The following CCDC178 variants were observed in gnomAD, a reference collection of about 807,000 sequenced individuals.
CCDC178 encodes coiled-coil domain-containing protein 178.
Under a neutral mutation model 117.4 loss-of-function variants are expected in CCDC178, and 126 were observed. The ratio of observed to expected loss-of-function variants is 1.07; its 90% CI spans 0.93 to 1.24. CCDC178 has a LOEUF of 1.24. Among genes scored for constraint, CCDC178 ranks in the 50% most tolerant of loss-of-function variants. CCDC178 has a pLI of 0.00. For missense variants in CCDC178, 1,030 were observed against 986.9 expected (o/e 1.04, Z -0.59); for synonymous variants, 283 against 313.4 (o/e 0.90, Z 1.02).
chr18:33,383,610 C>G (rs558027933), intron 5 of CCDC178, among the ~76,000 whole-genome samples: 61 of 152,206 alleles, frequency 4.0e-4, no homozygotes, highest in African/African-American at 1.4e-3. Flanking sequence ...TGCAGCAGAC[C>G]TGCATAAGAG....
intron 5 of CCDC178, 61 bp downstream of exon 5, chr18:33,389,479 T>A (rs933574040): frequency 9.7e-6 from 7 of 720,934 alleles, no homozygotes; most frequent in Admixed American, 9.3e-5. Flanking sequence ...CATTATAGAC[T>A]AATGAGATAA....
chr18:33,231,170 G>C (rs1382923686), intron 15 of CCDC178, among the ~76,000 whole-genome samples: 1 of 152,072 alleles, frequency 6.6e-6, no homozygotes, highest in Non-Finnish European at 1.5e-5. Flanking sequence ...GACAAACATA[G>C]ACCATGTGCT....
chr18:33,179,114 A>ATATATATATAAAC (rs2058702752), intron 20 of CCDC178, among the ~76,000 whole-genome samples: 2 of 88,932 alleles, frequency 2.2e-5, no homozygotes, highest in African/African-American at 1.4e-4. Context: ...TATATAAACT[A>ATATATATATAAAC]TATATATATA....
intron 21 of CCDC178, among the ~76,000 whole-genome samples, chr18:33,028,862 G>C (rs775175768): frequency 6.6e-6 from 1 of 151,734 alleles, no homozygotes; most frequent in African/African-American, 2.4e-5. Flanking sequence ...TGCATACCTA[G>C]GAAAAATCTC....
At chr18:33,177,240 A>G (rs538507407) in intron 20 of CCDC178, among the ~76,000 whole-genome samples, 2 of 152,276 alleles carry the variant, frequency 1.3e-5, no homozygotes, top group African/African-American at 4.8e-5. Flanking sequence ...GAGCATTAGG[A>G]CAAATACCTA....
intron 21 of CCDC178, among the ~76,000 whole-genome samples, chr18:33,052,072 C>A (rs907902414): frequency 1.3e-5 from 2 of 152,060 alleles, no homozygotes; most frequent in Non-Finnish European, 2.9e-5. Context: ...CTGTCACAGT[C>A]AATGACCAGG....
intron 20 of CCDC178, among the ~76,000 whole-genome samples, chr18:33,198,208 T>A (rs1380088576): frequency 6.6e-6 from 1 of 152,190 alleles, no homozygotes; most frequent in Admixed American, 6.5e-5. Context: ...TGCTGTTACT[T>A]CTATGGAAAA....
chr18:33,286,832 T>TC (rs1343581511), intron 12 of CCDC178, among the ~76,000 whole-genome samples: 1 of 152,156 alleles, frequency 6.6e-6, no homozygotes, highest in Non-Finnish European at 1.5e-5. Context: ...ACTGATAAAA[T>TC]CAGATATAAA....
intron 4 of CCDC178, among the ~76,000 whole-genome samples, chr18:33,394,206 A>T (rs1046617218): frequency 6.6e-6 from 1 of 152,028 alleles, no homozygotes; most frequent in Non-Finnish European, 1.5e-5. Flanking sequence ...TTATTGAACC[A>T]ATGAGGATGA....
chr18:33,434,877 C>A (rs1229629893), intron 2 of CCDC178, among the ~76,000 whole-genome samples: 1 of 152,084 alleles, frequency 6.6e-6, no homozygotes, highest in Admixed American at 6.5e-5. Flanking sequence ...TTAAAATGTT[C>A]TTTCCCAGTG....
chr18:33,150,780 A>G (rs923467977), intron 20 of CCDC178, among the ~76,000 whole-genome samples: 2 of 152,224 alleles, frequency 1.3e-5, no homozygotes, highest in African/African-American at 4.8e-5. Context: ...ACTACTGGGT[A>G]TCTACCCAAA....
At chr18:33,291,172 G>T (rs2060161565) in intron 12 of CCDC178, among the ~76,000 whole-genome samples, 2 of 151,868 alleles carry the variant, frequency 1.3e-5, no homozygotes, top group South Asian at 4.2e-4. Context: ...TAATCTCAGG[G>T]GTGGGAAAAT....
At chr18:32,955,109 C>A (rs575028513) in intron 22 of CCDC178, among the ~76,000 whole-genome samples, 1 of 152,238 alleles carries the variant, frequency 6.6e-6, no homozygotes, top group Non-Finnish European at 1.5e-5. Context: ...TCTCCCCATC[C>A]AAGCTTCTAC....
At chr18:33,213,892 TGAA>T (rs1278468681) in intron 19 of CCDC178, among the ~76,000 whole-genome samples, 1 of 152,108 alleles carries the variant, frequency 6.6e-6, no homozygotes, top group Non-Finnish European at 1.5e-5. Flanking sequence ...TTCAGACACT[TGAA>T]GATACACTTT....
intron 21 of CCDC178, among the ~76,000 whole-genome samples, chr18:33,061,797 T>C (rs1003676058): frequency 6.6e-6 from 1 of 152,146 alleles, no homozygotes; most frequent in African/African-American, 2.4e-5. Context: ...GTGTTTTTTT[T>C]CAGCAGTGGC....
At chr18:33,171,565 T>C (rs1172514883) in intron 20 of CCDC178, among the ~76,000 whole-genome samples, 1 of 152,218 alleles carries the variant, frequency 6.6e-6, no homozygotes, top group Non-Finnish European at 1.5e-5. Context: ...TGAATCGCAG[T>C]TTTGACCAAA....
intron 21 of CCDC178, among the ~76,000 whole-genome samples, chr18:33,074,309 T>C (rs2057165566): frequency 6.6e-6 from 1 of 152,114 alleles, no homozygotes; most frequent in Admixed American, 6.6e-5. Flanking sequence ...AAACATTACG[T>C]CATTCTCAAC....
chr18:33,134,055 A>G (rs2058097700), intron 20 of CCDC178, among the ~76,000 whole-genome samples: 2 of 151,960 alleles, frequency 1.3e-5, no homozygotes. Context: ...TTACAAAAGA[A>G]AAGAAAAAAA....
intron 20 of CCDC178, among the ~76,000 whole-genome samples, chr18:33,145,117 C>A (rs1035291803): frequency 9.2e-5 from 14 of 152,156 alleles, no homozygotes. Context: ...TTCCAGACAT[C>A]TAACCATTCT....
Sources: gnomAD v4.1 joint callset for allele counts (sites outside exome capture counted in the v4.1 genomes callset) on GRCh38, gnomAD v4.1.1 for gene constraint, MANE v1.5 for transcripts, NCBI Gene and HGNC (gene_info 2026-07-23, HGNC 2026-07-21) for gene names.